The following TP53INP1 variants were observed in gnomAD, a reference collection of about 807,000 sequenced individuals.
The protein encoded by TP53INP1 is tumor protein p53 inducible nuclear protein 1, also known as tumor protein p53-inducible nuclear protein 1.
TP53INP1 carries 12 observed loss-of-function variants against 21.0 expected under a neutral mutation model. The observed-to-expected ratio is 0.57, with a 90% CI of 0.37 to 0.93. The LOEUF is 0.93. Ranked by LOEUF, TP53INP1 falls within the 40% of genes least tolerant of loss-of-function variation. TP53INP1 has a pLI of 0.01. For synonymous variants in TP53INP1, 91 were observed against 94.8 expected (o/e 0.96, Z 0.23); for missense variants, 274 against 294.7 (o/e 0.93, Z 0.51).
chr8:94,942,434 C>T (rs1397509169), intron 1 of TP53INP1, among the ~76,000 whole-genome samples: 1 of 152,170 alleles, frequency 6.6e-6, no homozygotes, highest in Non-Finnish European at 1.5e-5. Flanking sequence ...CTTCCATCCA[C>T]CACTCTCATC....
chr8:94,947,281 T>C (rs972551528), intron 1 of TP53INP1, among the ~76,000 whole-genome samples: 1 of 63,424 alleles, frequency 1.6e-5, no homozygotes, highest in Non-Finnish European at 4.2e-5. Context: ...CTCCAAAAAA[T>C]ATTAAAAAAA....
chr8:94,946,716 A>AAAAAAAAAAAAAAAAAAAAAAAAAC (rs1822047139), intron 1 of TP53INP1, among the ~76,000 whole-genome samples: 1 of 149,264 alleles, frequency 6.7e-6, no homozygotes, highest in African/African-American at 2.5e-5. Flanking sequence ...AAAAAAAAAA[A>AAAAAAAAAAAAAAAAAAAAAAAAAC]AAAAGACAGG....
chr8:94,933,335 A>G (rs1044803055), intron 3 of TP53INP1, among the ~76,000 whole-genome samples: 2 of 152,258 alleles, frequency 1.3e-5, no homozygotes, highest in African/African-American at 4.8e-5. Context: ...AGATATAAAA[A>G]CAACATTCTC....
intron 3 of TP53INP1, chr8:94,932,060 A>T: frequency 6.2e-7 from 1 of 1,608,642 alleles, no homozygotes; most frequent in Non-Finnish European, 8.5e-7. Flanking sequence ...CTCAAAGTGA[A>T]TATACTTACT....
At chr8:94,945,907 C>A (rs1030141180) in intron 1 of TP53INP1, among the ~76,000 whole-genome samples, 9 of 152,154 alleles carry the variant, frequency 5.9e-5, no homozygotes, top group African/African-American at 2.2e-4. Flanking sequence ...GTGTCTGGGC[C>A]CTAGCATTTC....
intron 1 of TP53INP1, among the ~76,000 whole-genome samples, chr8:94,942,219 T>G (rs1336989354): frequency 6.6e-6 from 1 of 151,916 alleles, no homozygotes; most frequent in Non-Finnish European, 1.5e-5. Context: ...TTTTTTTTTA[T>G]TTAGTGGAGA....
In TP53INP1 at chr8:94,932,249, CAT is replaced by C. The variant is rs1282218417; in HGVS notation, c.474-1523_474-1522del. 9.9e-6 allele frequency: 8 copies of C among 808,432 alleles called. No homozygotes were observed. In the Admixed American group the frequency reaches 1.5e-4, roughly 15 times the overall value. The allele number at this position is 808,432 out of a possible 1,614,324, so 50.1% of individuals were successfully genotyped here. A position where few individuals can be genotyped will look rare whatever the true frequency, so the allele number is the denominator to read the frequency against. ...AGGCACGTACATGTGCTTAAGATAACATGTAAAACCTTCAAAAACAATACTTA... is the reference window on the plus strand; with the variant it reads ...AGGCACGTACATGTGCTTAAGATAACGTAAAACCTTCAAAAACAATACTTA... On this transcript the variant is annotated intron_variant, in intron 3 of 3. Transcript: ENST00000342697.
At chr8:94,937,192 A>G (rs1821061374) in intron 3 of TP53INP1, among the ~76,000 whole-genome samples, 1 of 152,184 alleles carries the variant, frequency 6.6e-6, no homozygotes, top group African/African-American at 2.4e-5. Flanking sequence ...AATGCCCAAA[A>G]ACACTTTGGG....
At chr8:94,947,221 G>A (rs992694161) in intron 1 of TP53INP1, among the ~76,000 whole-genome samples, 1 of 150,296 alleles carries the variant, frequency 6.7e-6, no homozygotes, top group Non-Finnish European at 1.5e-5. Flanking sequence ...ATGGGTCTAC[G>A]AACTTCAGAA....
rs748312321 is a variant in TP53INP1 at position 94,940,916 on chromosome 8, A to G, written c.26T>C (p.Phe9Ser). The change falls in exon 2 of 4, where the codon TTT (phenylalanine) becomes TCT (serine). Residue 9 changes from phenylalanine (F) to serine (S), a missense_variant. By Grantham distance (155) the Phe-to-Ser change is radical (BLOSUM62 -2). Coordinates refer to ENST00000342697, the MANE Select transcript of TP53INP1 (RefSeq NM_033285.4). MFQRLNKM[F>S]VGEVSSSSNQ... Reference sequence around the variant, plus strand: ...GGAGGAAGAACTGACTTCACCCACAAACATTTTATTCAGCCTCTGGAACAT... The same window carrying G: ...GGAGGAAGAACTGACTTCACCCACAGACATTTTATTCAGCCTCTGGAACAT... 6.2e-7 allele frequency: 1 copy of G among 1,613,768 alleles called. No individual in the cohort carries two copies. The highest frequency in any genetic ancestry group is 8.5e-7 in the Non-Finnish European group (1 of 1,179,940).
At position 94,940,836 on chromosome 8, in the gene TP53INP1, A is replaced by C; in HGVS notation, c.106T>G (p.Phe36Val). 1 of 1,611,530 alleles carries C rather than the reference A, an allele frequency of 6.2e-7. No individual in the cohort carries two copies. The highest frequency in any genetic ancestry group is 8.5e-7 in the Non-Finnish European group (1 of 1,178,490). Residue 36 changes from phenylalanine (F) to valine (V), a missense_variant, in exon 2 of 4, where the codon TTC becomes GTC. Phe to Val is a conservative substitution (Grantham distance 50, BLOSUM62 -1). Coordinates refer to ENST00000342697, the MANE Select transcript of TP53INP1 (RefSeq NM_033285.4). ...KEDDEWILVDFIDTCTGFSAE... is the reference protein window; with the variant it reads ...KEDDEWILVDVIDTCTGFSAE... ...GTAACCAAGTGTACCTTACCTATGA[A>C]GTCAACAAGAATCCATTCATCATCT...
chr8:94,940,088 GA>G lies in TP53INP1; in HGVS notation c.244del (p.Ser82ProfsTer28). Reference protein sequence around the residue: ...SLECLADTSDSCFLQFESCPM... With the variant: ...SLECLADTSDXCFLQFESCPM... The stretch of plus-strand genomic sequence containing the variant: ...ACATGACTCAAACTGGAGAAAGCAG[GA>G]ATCACTTGTATCAGCCAAGCACTCA... On this transcript the variant is annotated frameshift_variant, in exon 3 of 4. Transcript: ENST00000342697. LOFTEE classifies it high-confidence loss of function. 6.2e-7 allele frequency: 1 copy of G among 1,614,200 alleles called. No homozygotes were observed. Among genetic ancestry groups the G allele is most frequent in the Non-Finnish European group, 8.5e-7 (1 of 1,180,036 alleles).
rs970146335 is a variant in TP53INP1 at position 94,926,137 on chromosome 8, A to G, written c.*4342T>C. 1.3e-5 allele frequency: 2 copies of G among 152,618 alleles called. No homozygotes were observed. The highest frequency in any genetic ancestry group is 4.8e-5 in the African/African-American group (2 of 41,442). The allele number at this position is 152,618 out of a possible 1,614,324, so 9.5% of individuals were successfully genotyped here. ...CTGTATTGTTCAGTCTGTGTACAAA[A>G]CTGACCATCTATGAACCAATCAGTA... On this transcript the variant is annotated 3_prime_UTR_variant, in exon 4 of 4. Transcript: ENST00000342697.
chr8:94,928,364 C>T lies in TP53INP1; in HGVS notation c.*2115G>A, dbSNP rs896939238. On this transcript the variant is annotated 3_prime_UTR_variant, in exon 4 of 4. Coordinates refer to ENST00000342697, the MANE Select transcript of TP53INP1 (RefSeq NM_033285.4). ...CATGCAATGTATGAAAAAGAGACGCCGTGTATTCAGAGTTTTACATCCTGA... is the reference window on the plus strand; with the variant it reads ...CATGCAATGTATGAAAAAGAGACGCTGTGTATTCAGAGTTTTACATCCTGA... 3.9e-5 allele frequency: 6 copies of T among 152,196 alleles called. No homozygotes were observed. Among genetic ancestry groups the T allele is most frequent in the Non-Finnish European group, 5.9e-5 (4 of 68,036 alleles). The allele number at this position is 152,196 out of a possible 1,614,324, so 9.4% of individuals were successfully genotyped here. A position where few individuals can be genotyped will look rare whatever the true frequency, so the allele number is the denominator to read the frequency against.
In TP53INP1 at chr8:94,940,188, C is replaced by T. The variant is rs975403876; in HGVS notation, c.145G>A (p.Glu49Lys). ...TCTGFSAEEEEEEEDISEESP... is the reference protein window; with the variant it reads ...TCTGFSAEEEKEEEDISEESP... ...TCTTCACTGATGTCCTCCTCTTCTT[C>T]TTCTTCTTCTGCTGAGAAACCAGTG... is the stretch of plus-strand genomic sequence containing the variant. The change falls in exon 3 of 4, where the codon GAA becomes AAA. Residue 49 changes from glutamate (E) to lysine (K), a missense_variant. Coordinates refer to ENST00000342697, the MANE Select transcript of TP53INP1 (RefSeq NM_033285.4). The T allele has an allele frequency of 6.2e-7, 1 of 1,612,934 alleles. No individual in the cohort carries two copies. Among genetic ancestry groups the T allele is most frequent in the Admixed American group, 1.7e-5 (1 of 59,952 alleles).
chr8:94,933,872 A>T (rs1435671916), intron 3 of TP53INP1, among the ~76,000 whole-genome samples: 1 of 147,154 alleles, frequency 6.8e-6, no homozygotes. Context: ...GGAGTTCAAG[A>T]CCAGCCTGGC....
intron 1 of TP53INP1, among the ~76,000 whole-genome samples, chr8:94,943,596 C>A (rs1216210889): frequency 6.6e-6 from 1 of 152,218 alleles, no homozygotes; most frequent in East Asian, 1.9e-4. Context: ...CAACTTCAGG[C>A]TCCTGACAGT....
chr8:94,936,527 C>CT (rs1446003258), intron 3 of TP53INP1, among the ~76,000 whole-genome samples: 1 of 152,122 alleles, frequency 6.6e-6, no homozygotes, highest in Non-Finnish European at 1.5e-5. Context: ...CAAATCGGCT[C>CT]TGTGGGCTGA....
intron 1 of TP53INP1, among the ~76,000 whole-genome samples, chr8:94,946,435 T>G (rs1821995878): frequency 6.6e-6 from 1 of 151,668 alleles, no homozygotes; most frequent in Admixed American, 6.6e-5. Context: ...GCGCAGTGGC[T>G]CATGTCTATA....
Sources: allele counts gnomAD v4.1 joint callset (sites outside exome capture counted in the v4.1 genomes callset), GRCh38; gene constraint gnomAD v4.1.1; transcripts MANE v1.5; gene names NCBI Gene and HGNC (gene_info 2026-07-23, HGNC 2026-07-21).